ARFGEF2: variants seen among roughly 807,000 people sequenced by gnomAD.
ARFGEF2 encodes the protein ARF guanine nucleotide exchange factor 2, also known as brefeldin A-inhibited guanine nucleotide-exchange protein 2.
In ARFGEF2, 74 loss-of-function variants were observed where a neutral mutation model predicts 219.9. The observed-to-expected ratio is 0.34, with a 90% CI of 0.28 to 0.41. ARFGEF2 has a LOEUF of 0.41. Among genes scored for constraint, ARFGEF2 ranks in the 10% least tolerant of loss-of-function variants. The pLI, the probability that ARFGEF2 is intolerant of heterozygous loss-of-function variation, is 1.00. For missense variants in ARFGEF2, 1,743 were observed against 2,218.3 expected (o/e 0.79, Z 4.30); for synonymous variants, 733 against 799.2 (o/e 0.92, Z 1.40).
intron 22 of ARFGEF2, 70 bp downstream of exon 22, chr20:48,994,668 T>C: frequency 6.3e-7 from 1 of 1,591,448 alleles, no homozygotes; most frequent in Non-Finnish European, 8.5e-7. Flanking sequence ...CCTTCTTGTC[T>C]CATCAGGACT....
intron 1 of ARFGEF2, among the ~76,000 whole-genome samples, chr20:48,932,335 T>C (rs1373056352): frequency 6.6e-6 from 1 of 152,026 alleles, no homozygotes; most frequent in Non-Finnish European, 1.5e-5. Flanking sequence ...AGAACAGCGA[T>C]GATTGGGAGG....
intron 14 of ARFGEF2, among the ~76,000 whole-genome samples, chr20:48,984,472 C>G (rs1284368371): frequency 6.6e-6 from 1 of 152,182 alleles, no homozygotes. Context: ...GTGTGTCCAG[C>G]TAACACGTAG....
intron 25 of ARFGEF2, among the ~76,000 whole-genome samples, chr20:48,999,476 T>A (rs2091411520): frequency 6.6e-6 from 1 of 152,134 alleles, no homozygotes; most frequent in Non-Finnish European, 1.5e-5. Context: ...TGGCCGGGCG[T>A]CATGGCTCAC....
chr20:49,003,248 G>C (rs1488271576), intron 25 of ARFGEF2, among the ~76,000 whole-genome samples: 1 of 151,544 alleles, frequency 6.6e-6, no homozygotes, highest in Non-Finnish European at 1.5e-5. Context: ...GATTACAAGT[G>C]TGAGCCACCA....
intron 19 of ARFGEF2, 60 bp downstream of exon 19, chr20:48,989,496 G>C: frequency 6.2e-7 from 1 of 1,614,216 alleles, no homozygotes. Flanking sequence ...GCTGGCCAGC[G>C]AGAAGTACTC....
chr20:48,950,409 C>A (rs2091058409), intron 3 of ARFGEF2, among the ~76,000 whole-genome samples: 1 of 152,060 alleles, frequency 6.6e-6, no homozygotes, highest in Non-Finnish European at 1.5e-5. Context: ...TCTTAGGTAT[C>A]TTTCCATTGA....
chr20:49,005,180 A>G lies in ARFGEF2; in HGVS notation c.3543A>G (p.Lys1181=), dbSNP rs201758311. 1.9e-6 allele frequency: 3 copies of G among 1,614,220 alleles called. No individual in the cohort carries two copies. Among genetic ancestry groups the G allele is most frequent in the East Asian group, 2.2e-5 (1 of 44,882 alleles). The change falls in exon 26 of 39, where the codon AAA becomes AAG. Residue 1181 remains lysine (K), a synonymous_variant. Coordinates refer to ENST00000371917, the MANE Select transcript of ARFGEF2 (RefSeq NM_006420.3). ...KGELANFRFQ[K]DFLRPFEHIM... ...AATTAGCCAACTTCCGTTTCCAGAA[A>G]GATTTTCTGAGGCCCTTTGAGCATA...
intron 34 of ARFGEF2, among the ~76,000 whole-genome samples, chr20:49,020,549 A>G (rs995969037): frequency 6.6e-6 from 1 of 152,186 alleles, no homozygotes; most frequent in Admixed American, 6.5e-5. Context: ...GGGCTCAAGC[A>G]ATCCTCCTGC....
chr20:48,965,510 A>G (rs963979633), intron 7 of ARFGEF2, among the ~76,000 whole-genome samples: 1 of 152,092 alleles, frequency 6.6e-6, no homozygotes, highest in Non-Finnish European at 1.5e-5. Context: ...TAATTCCTTT[A>G]TTAATGGTAC....
chr20:49,020,484 C>G (rs1472520294), intron 34 of ARFGEF2, among the ~76,000 whole-genome samples: 3 of 152,216 alleles, frequency 2.0e-5, no homozygotes, highest in African/African-American at 7.2e-5. Context: ...CATACTCTGT[C>G]TCCCAAGCTG....
At chr20:48,975,282 A>C (rs947576245) in intron 13 of ARFGEF2, among the ~76,000 whole-genome samples, 2 of 152,128 alleles carry the variant, frequency 1.3e-5, no homozygotes, top group African/African-American at 4.8e-5. Flanking sequence ...TCCTGGGCTC[A>C]AGCGATCCTC....
At chr20:48,977,055 G>A (rs536518027) in intron 14 of ARFGEF2, among the ~76,000 whole-genome samples, 1 of 151,818 alleles carries the variant, frequency 6.6e-6, no homozygotes, top group East Asian at 1.9e-4. Context: ...GTATACATGT[G>A]CCATGTTGGT....
intron 21 of ARFGEF2, among the ~76,000 whole-genome samples, chr20:48,991,753 C>T (rs2091358695): frequency 6.6e-6 from 1 of 152,034 alleles, no homozygotes; most frequent in African/African-American, 2.4e-5. Context: ...GATGTCCCAA[C>T]AATATAAGAG....
chr20:48,924,502 A>C (rs1346582239), intron 1 of ARFGEF2, among the ~76,000 whole-genome samples: 1 of 116,398 alleles, frequency 8.6e-6, no homozygotes, highest in African/African-American at 3.5e-5. Flanking sequence ...ACAAAACAAG[A>C]CTCTGTCTCA....
At chr20:48,996,426 G>A (rs894787985) in intron 23 of ARFGEF2, among the ~76,000 whole-genome samples, 6 of 142,694 alleles carry the variant, frequency 4.2e-5, no homozygotes, top group Non-Finnish European at 7.5e-5. Flanking sequence ...CTGCACTCTA[G>A]CCTAGGCGAC....
chr20:48,950,769 C>A (rs2091061020), intron 3 of ARFGEF2, among the ~76,000 whole-genome samples: 1 of 124,492 alleles, frequency 8.0e-6, no homozygotes, highest in East Asian at 2.3e-4. Flanking sequence ...TCATTCCAGC[C>A]TAGGTAACAG....
rs1264128952 is a variant in ARFGEF2 at position 48,941,947 on chromosome 20, A to G, written c.236A>G (p.Lys79Arg). 5.0e-6 allele frequency: 8 copies of G among 1,614,084 alleles called. No homozygotes were observed. In the South Asian group the frequency reaches 5.5e-5, roughly 11 times the overall value. The change falls in exon 3 of 39, where the codon AAG becomes AGG. Residue 79 changes from lysine (K) to arginine (R), a missense_variant. By Grantham distance (26) the Lys-to-Arg change is conservative. This residue lies in a region of ARFGEF2 where 394 missense variants were observed against 426.6 expected (regional missense o/e 0.92). Coordinates refer to ENST00000371917, the MANE Select transcript of ARFGEF2 (RefSeq NM_006420.3). Reference protein sequence around the residue: ...FLPFELACQSKSPRVVSTSLD... With the variant: ...FLPFELACQSRSPRVVSTSLD... ...CCATTCGAGCTAGCTTGCCAGTCCA[A>G]GTCCCCAAGGGTAGTCAGCACATCC...
chr20:49,010,227 C>G lies in ARFGEF2; in HGVS notation c.3585-5C>G, dbSNP rs769934211. 17 of 1,612,424 alleles carry G rather than the reference C, an allele frequency of 1.1e-5. No homozygotes were observed. The highest frequency in any genetic ancestry group is 1.3e-5 in the Non-Finnish European group (15 of 1,178,636). ...GACGATATGGCCGTCCCATTCTTTC[C>G]TCAGGTCTCCCACCATCCGGGACAT... On this transcript the variant is annotated splice_polypyrimidine_tract_variant and splice_region_variant and intron_variant, in intron 26 of 38. Transcript: ENST00000371917.
chr20:49,006,562 AG>A lies in ARFGEF2; in HGVS notation c.3584+1344del, dbSNP rs542195181. On this transcript the variant is annotated intron_variant, in intron 26 of 38. Coordinates refer to ENST00000371917, the MANE Select transcript of ARFGEF2 (RefSeq NM_006420.3). ...TAGGGATGGAAGCACTCTTTTATCC[AG>A]GGCAGCCAGCTAACATGTGTTTGGT... Among the ~76,000 whole-genome samples the A allele has an allele frequency of 2.0e-4, 31 of 152,346 alleles. No individual in the cohort carries two copies. The South Asian group carries it at 2.9e-3, about 14-fold the overall frequency.
Sources: gnomAD v4.1 joint callset for allele counts (sites outside exome capture counted in the v4.1 genomes callset) on GRCh38, gnomAD v4.1.1 for gene constraint, gnomAD v4.1.1 regional missense constraint, MANE v1.5 for transcripts, NCBI Gene and HGNC (gene_info 2026-07-23, HGNC 2026-07-21) for gene names.